Variants in ZNF8 observed in about 807,000 individuals in gnomAD.
ZNF8 encodes the protein zinc finger protein 272.
A neutral mutation model predicts 12.2 loss-of-function variants in ZNF8; 9 were observed. The ratio of observed to expected loss-of-function variants is 0.73; its 90% CI spans 0.44 to 1.28. ZNF8 has a LOEUF of 1.28. Among genes scored for constraint, ZNF8 ranks in the 50% most tolerant of loss-of-function variants. ZNF8 has a pLI of 0.00. For synonymous variants in ZNF8, 274 were observed against 282.3 expected (o/e 0.97, Z 0.30); for missense variants, 664 against 729.1 (o/e 0.91, Z 1.03).
intron 3 of ZNF8, chr19:58,286,493 C>T (rs1030365028): frequency 3.3e-6 from 1 of 306,050 alleles, no homozygotes; most frequent in Non-Finnish European, 6.3e-6. Flanking sequence ...AGGTGTGACA[C>T]CTCATGAGAC....
In ZNF8 at chr19:58,302,192, T is replaced by A. The variant is rs973417017; in HGVS notation, c.*6656T>A. ...TATTTTGAAACAGATAAGAAACTCC[T>A]CCGTGGAAATTACTGTTAACTAGGG... On this transcript the variant is annotated 3_prime_UTR_variant, in exon 4 of 4. Coordinates refer to ENST00000621650, the MANE Select transcript of ZNF8 (RefSeq NM_021089.3). The A allele has an allele frequency of 2.0e-4, 30 of 152,216 alleles. No homozygotes were observed. The highest frequency in any genetic ancestry group is 7.2e-4 in the African/African-American group (30 of 41,454). The allele number at this position is 152,216 out of a possible 1,614,324, so 9.4% of individuals were successfully genotyped here.
Position 58,294,494 on chromosome 19 carries a change from G to T in ZNF8, c.686G>T (p.Gly229Val), listed in dbSNP as rs1473079608. The change falls in exon 4 of 4, where the codon GGT becomes GTT. Residue 229 changes from glycine (G) to valine (V), a missense_variant. By Grantham distance (109) the Gly-to-Val change is moderately radical. Around this residue, in one of 3 missense-constraint regions of ZNF8, gnomAD observed 306 missense variants for 308.7 expected, o/e 0.99. Coordinates refer to ENST00000621650, the MANE Select transcript of ZNF8 (RefSeq NM_021089.3). This position sits in a 1 kb window ranked among gnomAD's most constrained non-coding sequence, Gnocchi z 5.5. ...ACAGGCTCCCCAGGAAAACAGCCCGGTGAAAACAGTGACTGTCACAGAGAT... is the reference window on the plus strand; with the variant it reads ...ACAGGCTCCCCAGGAAAACAGCCCGTTGAAAACAGTGACTGTCACAGAGAT... Reference protein sequence around the residue: ...QQTGSPGKQPGENSDCHRDSS... With the variant: ...QQTGSPGKQPVENSDCHRDSS... 6.2e-7 allele frequency: 1 copy of T among 1,614,150 alleles called. No individual in the cohort carries two copies. The highest frequency in any genetic ancestry group is 8.5e-7 in the Non-Finnish European group (1 of 1,180,022).
chr19:58,290,244 G>A (rs1041100581), intron 3 of ZNF8, among the ~76,000 whole-genome samples: 1 of 147,334 alleles, frequency 6.8e-6, no homozygotes, highest in Non-Finnish European at 1.5e-5. Context: ...CCGAGTAGCT[G>A]GGACTACAGG....
chr19:58,285,985 T>C (rs1270101469), intron 2 of ZNF8, 125 bp from the exon 3 acceptor site: 2 of 1,405,590 alleles, frequency 1.4e-6, no homozygotes, highest in Non-Finnish European at 2.0e-6. Context: ...TCCATCACCA[T>C]GCAGAGCTTC....
chr19:58,279,030 C>T lies in ZNF8; in HGVS notation c.-52C>T. 2.2e-6 allele frequency: 3 copies of T among 1,359,458 alleles called. No homozygotes were observed. Among genetic ancestry groups the T allele is most frequent in the Non-Finnish European group, 1.9e-6 (2 of 1,047,232 alleles). The allele number at this position is 1,359,458 out of a possible 1,614,324, so 84.2% of individuals were successfully genotyped here. ...CGGGTGGTCCCTTTGGCTGGAGTGC[C>T]TCTCTGGTCTGGGGATCACCTCAGG... On this transcript the variant is annotated 5_prime_UTR_variant, in exon 1 of 4. Transcript: ENST00000621650.
At position 58,294,079 on chromosome 19, in the gene ZNF8, T is replaced by C. The variant is rs375177576; in HGVS notation, c.290-19T>C. The C allele has an allele frequency of 2.2e-4, 350 of 1,583,748 alleles. No homozygotes were observed. The highest frequency in any genetic ancestry group is 2.8e-4 in the Non-Finnish European group (323 of 1,161,690). ...TTTTTTTCTCCCAACAGCTCAGAGA[T>C]CTTTGGGTTTTCTTTCAGCCTGGGA... On this transcript the variant is annotated intron_variant, in intron 3 of 3. Coordinates refer to ENST00000621650, the MANE Select transcript of ZNF8 (RefSeq NM_021089.3). This position sits in a 1 kb window ranked among gnomAD's most constrained non-coding sequence, Gnocchi z 5.5.
rs1170672965 is a variant in ZNF8, at chr19:58,279,034, C to G, written c.-48C>G. ...TGGTCCCTTTGGCTGGAGTGCCTCTCTGGTCTGGGGATCACCTCAGGCGCT... is the reference window on the plus strand; with the variant it reads ...TGGTCCCTTTGGCTGGAGTGCCTCTGTGGTCTGGGGATCACCTCAGGCGCT... On this transcript the variant is annotated 5_prime_UTR_variant, in exon 1 of 4. Coordinates refer to ENST00000621650, the MANE Select transcript of ZNF8 (RefSeq NM_021089.3). 7.3e-7 allele frequency: 1 copy of G among 1,367,278 alleles called. No individual in the cohort carries two copies. The highest frequency in any genetic ancestry group is 2.9e-5 in the East Asian group (1 of 34,444). 84.7% of individuals were successfully genotyped at this position (1,367,278 alleles called of 1,614,324 possible).
intron 3 of ZNF8, among the ~76,000 whole-genome samples, chr19:58,291,850 G>A (rs1188100737): frequency 1.3e-5 from 2 of 152,188 alleles, no homozygotes; most frequent in Non-Finnish European, 2.9e-5. Flanking sequence ...TTGGCAGAGG[G>A]AGCAGCAGGT....
At chr19:58,292,843 A>G (rs1364108984) in intron 3 of ZNF8, among the ~76,000 whole-genome samples, 1 of 151,822 alleles carries the variant, frequency 6.6e-6, no homozygotes, top group Non-Finnish European at 1.5e-5. Context: ...GGTTGTTTCT[A>G]CTTTTGGCTA....
intron 3 of ZNF8, among the ~76,000 whole-genome samples, chr19:58,288,373 C>T (rs1426676886): frequency 2.0e-5 from 3 of 152,126 alleles, no homozygotes; most frequent in Non-Finnish European, 4.4e-5. Context: ...CCCAGGCTGT[C>T]CTTGGGATTA....
At position 58,278,966 on chromosome 19, in the gene ZNF8, G is replaced by A; in HGVS notation, c.-116G>A. 3.2e-6 allele frequency: 4 copies of A among 1,255,064 alleles called. No individual in the cohort carries two copies. Among genetic ancestry groups the A allele is most frequent in the African/African-American group, 1.5e-5 (1 of 64,734 alleles). 77.7% of individuals were successfully genotyped at this position (1,255,064 alleles called of 1,614,324 possible). On this transcript the variant is annotated 5_prime_UTR_variant, in exon 1 of 4. Coordinates refer to ENST00000621650, the MANE Select transcript of ZNF8 (RefSeq NM_021089.3). ...GCCTACTGGGAGTTGTAGTCGCCGCGTCGCCGGTGCGGCCGCCATTGTCCG... is the reference window on the plus strand; with the variant it reads ...GCCTACTGGGAGTTGTAGTCGCCGCATCGCCGGTGCGGCCGCCATTGTCCG...
chr19:58,286,272 T>C lies in ZNF8; in HGVS notation c.289+67T>C, dbSNP rs538270698. ...AGCAGGTCACTGGAGATGCACTTCA[T>C]GGAAAGGGTGGTGGTTGGTGGTCCT... is the stretch of plus-strand genomic sequence containing the variant. On this transcript the variant is annotated intron_variant, in intron 3 of 3. Transcript: ENST00000621650. The C allele has an allele frequency of 1.7e-3, 2,446 of 1,415,682 alleles. 3 individuals are homozygous for C. The highest frequency in any genetic ancestry group is 2.2e-3 in the Non-Finnish European group (2,190 of 1,013,240). The allele number at this position is 1,415,682 out of a possible 1,614,324, so 87.7% of individuals were successfully genotyped here. A position where few individuals can be genotyped will look rare whatever the true frequency, so the allele number is the denominator to read the frequency against.
chr19:58,290,318 G>GT (rs1216351047), intron 3 of ZNF8, among the ~76,000 whole-genome samples: 2 of 149,252 alleles, frequency 1.3e-5, no homozygotes, highest in African/African-American at 4.9e-5. Context: ...GTTTCACCGT[G>GT]TTGGCCAGGA....
rs377363129 is a variant in ZNF8 at position 58,294,313 on chromosome 19, C to G, written c.505C>G (p.Gln169Glu). 51 of 1,614,034 alleles carry G rather than the reference C, an allele frequency of 3.2e-5. No individual in the cohort carries two copies. Among genetic ancestry groups the G allele is most frequent in the African/African-American group, 4.0e-5 (3 of 74,914 alleles). The change falls in exon 4 of 4, where the codon CAA (glutamine) becomes GAA (glutamate). Residue 169 changes from glutamine (Q) to glutamate (E), a missense_variant. Transcript: ENST00000621650. This position sits in a 1 kb window ranked among gnomAD's most constrained non-coding sequence, Gnocchi z 5.5. The stretch of plus-strand genomic sequence containing the variant: ...ATTTGGCCTCAAGGAAGCACCAGTT[C>G]AAGATCAAGGCTACAAAACTCTCAG... ...LEFGLKEAPV[Q>E]DQGYKTLRLR...
chr19:58,279,911 T>A, intron 1 of ZNF8: 1 of 1,188,260 alleles, frequency 8.4e-7, no homozygotes, highest in Non-Finnish European at 1.1e-6. Context: ...GGTTTGTTCA[T>A]GGGGATTTGC....
At chr19:58,289,400 G>A (rs148750258) in intron 3 of ZNF8, among the ~76,000 whole-genome samples, 1,674 of 151,688 alleles carry the variant, frequency 0.011, 18 homozygotes, top group Non-Finnish European at 0.017. Context: ...GGAGGCTGAG[G>A]CACAAGAATC....
chr19:58,290,292 T>G (rs1413563326), intron 3 of ZNF8, among the ~76,000 whole-genome samples: 1 of 149,276 alleles, frequency 6.7e-6, no homozygotes, highest in Non-Finnish European at 1.5e-5. Flanking sequence ...TTTTTTGTAT[T>G]TTTAGTAGAG....
At chr19:58,292,500 A>T (rs1212276941) in intron 3 of ZNF8, among the ~76,000 whole-genome samples, 6 of 152,210 alleles carry the variant, frequency 3.9e-5, no homozygotes, top group Admixed American at 3.9e-4. Context: ...CAAAGGCCTC[A>T]TCTCCAAATA....
rs1357193924 is a variant in ZNF8, at chr19:58,302,774, A to G, written c.*7238A>G. 6.6e-6 allele frequency: 1 copy of G among 152,250 alleles called. No homozygotes were observed. Among genetic ancestry groups the G allele is most frequent in the African/African-American group, 2.4e-5 (1 of 41,464 alleles). 9.4% of individuals were successfully genotyped at this position (152,250 alleles called of 1,614,324 possible). A position where few individuals can be genotyped will look rare whatever the true frequency, so the allele number is the denominator to read the frequency against. On this transcript the variant is annotated 3_prime_UTR_variant, in exon 4 of 4. Coordinates refer to ENST00000621650, the MANE Select transcript of ZNF8 (RefSeq NM_021089.3). ...CTTTGTCTAAGCAAACTTGCTGGGA[A>G]TAAATCCTACACATATATTTGTATG...
Sources: gnomAD v4.1 joint callset for allele counts (sites outside exome capture counted in the v4.1 genomes callset) on GRCh38, gnomAD v4.1.1 for gene constraint, gnomAD v4.1.1 regional missense constraint, Gnocchi (gnomAD v3.1) non-coding constraint, MANE v1.5 for transcripts, NCBI Gene and HGNC (gene_info 2026-07-23, HGNC 2026-07-21) for gene names.